SNX10: variants seen among roughly 807,000 people sequenced by gnomAD.
SNX10 encodes the protein sorting nexin-10.
Under a neutral mutation model 28.5 loss-of-function variants are expected in SNX10, and 25 were observed. That is an observed-to-expected ratio of 0.88 (90% CI 0.64 to 1.22). The LOEUF (loss-of-function observed/expected upper bound fraction) is 1.22. SNX10 is among the 50% of genes most tolerant of loss of function. The pLI is 0.00. For synonymous variants in SNX10, 62 were observed against 81.4 expected, an observed-to-expected ratio of 0.76 and a Z score of 1.28; for missense variants, 223 against 242.6, an observed-to-expected ratio of 0.92 and a Z score of 0.54.
intron 1 of SNX10, among the ~76,000 whole-genome samples, chr7:26,335,017 C>G (rs1787870863): frequency 6.6e-6 from 1 of 152,152 alleles, no homozygotes; most frequent in South Asian, 2.1e-4. Flanking sequence ...GTTTGAGTTC[C>G]TTTGATTGCC....
At chr7:26,372,057 A>C in intron 6 of SNX10, 24 bp downstream of exon 6, 1 of 1,442,978 alleles carries the variant, frequency 6.9e-7, no homozygotes, top group South Asian at 1.2e-5. Flanking sequence ...TTTTGATTTA[A>C]TGTATATGTA....
intron 1 of SNX10, among the ~76,000 whole-genome samples, chr7:26,326,737 A>G (rs1787517555): frequency 6.6e-6 from 1 of 151,874 alleles, no homozygotes; most frequent in African/African-American, 2.4e-5. Context: ...TTATTTTTCC[A>G]TATTTTTTGA....
intron 1 of SNX10, chr7:26,293,119 C>T (rs778344389): frequency 1.3e-5 from 2 of 152,244 alleles, no homozygotes; most frequent in Non-Finnish European, 2.9e-5. Flanking sequence ...GGACTCCTGC[C>T]TTGCCTCTGC....
chr7:26,359,585 CATG>C (rs1250369648), intron 2 of SNX10, among the ~76,000 whole-genome samples: 4 of 152,054 alleles, frequency 2.6e-5, no homozygotes, highest in African/African-American at 7.2e-5. Flanking sequence ...TTATGTGAAA[CATG>C]ATAGTTTTTT....
intron 1 of SNX10, among the ~76,000 whole-genome samples, chr7:26,340,585 T>A (rs535669170): frequency 1.3e-5 from 2 of 152,316 alleles, no homozygotes; most frequent in South Asian, 2.1e-4. Flanking sequence ...TGTACCATGC[T>A]CTCAGGGCAG....
intron 2 of SNX10, among the ~76,000 whole-genome samples, chr7:26,353,861 C>T (rs1788713114): frequency 6.6e-6 from 1 of 151,976 alleles, no homozygotes; most frequent in Non-Finnish European, 1.5e-5. Context: ...AATACATGAA[C>T]ATGTAAAACA....
Position 26,340,979 on chromosome 7 carries a change from G to A in SNX10, c.-23-5441G>A, listed in dbSNP as rs372950303. Reference sequence around the variant, plus strand: ...TCAAACAATGTGGAAACCAAGCCACGCCCAGCTTGATTGTGAGATTTAATG... The same window carrying A: ...TCAAACAATGTGGAAACCAAGCCACACCCAGCTTGATTGTGAGATTTAATG... On this transcript the variant is annotated intron_variant, in intron 1 of 6. Coordinates refer to ENST00000338523, the MANE Select transcript of SNX10 (RefSeq NM_013322.3). Among the ~76,000 whole-genome samples the A allele has an allele frequency of 3.1e-3, 471 of 152,212 alleles. 3 individuals carry two copies. The highest frequency in any genetic ancestry group is 0.011 in the African/African-American group (459 of 41,530).
intron 1 of SNX10, among the ~76,000 whole-genome samples, chr7:26,335,001 C>A (rs1036331562): frequency 6.6e-6 from 1 of 152,122 alleles, no homozygotes; most frequent in African/African-American, 2.4e-5. Flanking sequence ...ATTTCTTTTT[C>A]TTTTTGTTTG....
intron 2 of SNX10, chr7:26,353,990 A>G (rs1402915656): frequency 6.6e-6 from 1 of 152,230 alleles, no homozygotes; most frequent in African/African-American, 2.4e-5. Context: ...CTTAACACCT[A>G]GACATTCTGC....
At chr7:26,362,550 G>A (rs1385507038) in intron 3 of SNX10, among the ~76,000 whole-genome samples, 1 of 152,150 alleles carries the variant, frequency 6.6e-6, no homozygotes, top group African/African-American at 2.4e-5. Flanking sequence ...TTGGCTTGGT[G>A]GACAGCAAAA....
At chr7:26,327,243 G>T (rs560480147) in intron 1 of SNX10, among the ~76,000 whole-genome samples, 1 of 152,192 alleles carries the variant, frequency 6.6e-6, no homozygotes, top group East Asian at 1.9e-4. Flanking sequence ...GAACCACTGC[G>T]CCCGGGTCTT....
intron 1 of SNX10, among the ~76,000 whole-genome samples, chr7:26,310,642 C>T (rs577918543): frequency 7.3e-5 from 11 of 150,344 alleles, no homozygotes; most frequent in Admixed American, 6.0e-4. Flanking sequence ...GTCGAGAGTA[C>T]AGCAGCACGA....
In SNX10 at chr7:26,328,913, A is replaced by G. The variant is rs556279536; in HGVS notation, c.-23-17507A>G. Among the ~76,000 whole-genome samples the G allele has an allele frequency of 6.0e-4, 92 of 152,268 alleles. 5 individuals carry two copies. The South Asian group carries it at 0.018, about 31-fold the overall frequency. On this transcript the variant is annotated intron_variant, in intron 1 of 6. Coordinates refer to ENST00000338523, the MANE Select transcript of SNX10 (RefSeq NM_013322.3). ...TTTTTCTCCCCTCCACTGGATAAGC[A>G]TAAGTGAGGAAACACGCCAATACCT... is the stretch of plus-strand genomic sequence containing the variant.
At chr7:26,339,295 A>G (rs888618517) in intron 1 of SNX10, among the ~76,000 whole-genome samples, 1 of 152,142 alleles carries the variant, frequency 6.6e-6, no homozygotes, top group African/African-American at 2.4e-5. Flanking sequence ...GGATTTCGCC[A>G]TGCCGCCCAG....
intron 1 of SNX10, among the ~76,000 whole-genome samples, chr7:26,345,622 C>G (rs952505891): frequency 2.6e-5 from 4 of 152,090 alleles, no homozygotes; most frequent in Non-Finnish European, 4.4e-5. Context: ...TCTGGGAATA[C>G]GTGTGGGGGA....
intron 1 of SNX10, among the ~76,000 whole-genome samples, chr7:26,309,329 C>T (rs199754538): frequency 2.6e-3 from 395 of 149,864 alleles, no homozygotes; most frequent in Non-Finnish European, 4.6e-3. Flanking sequence ...GTCTTGACAT[C>T]TTTAGGTATT....
intron 1 of SNX10, among the ~76,000 whole-genome samples, chr7:26,336,978 TA>T (rs1303402362): frequency 2.0e-5 from 3 of 152,240 alleles, no homozygotes; most frequent in Non-Finnish European, 4.4e-5. Flanking sequence ...ATTATCGAGT[TA>T]AAGAATATAA....
At chr7:26,305,896 ATTAT>A (rs1221179660) in intron 1 of SNX10, among the ~76,000 whole-genome samples, 1 of 152,088 alleles carries the variant, frequency 6.6e-6, no homozygotes, top group Non-Finnish European at 1.5e-5. Flanking sequence ...TATTTTAAAA[ATTAT>A]TTATTTATTT....
At chr7:26,344,833 A>T (rs539317791) in intron 1 of SNX10, among the ~76,000 whole-genome samples, 4 of 152,322 alleles carry the variant, frequency 2.6e-5, no homozygotes, top group African/African-American at 9.6e-5. Context: ...TGCGGCAATA[A>T]GTTACCACAA....
Sources: allele counts gnomAD v4.1 joint callset (sites outside exome capture counted in the v4.1 genomes callset), GRCh38; gene constraint gnomAD v4.1.1; transcripts MANE v1.5; gene names NCBI Gene and HGNC (gene_info 2026-07-23, HGNC 2026-07-21).